Variants in NRG3 observed in about 807,000 individuals in gnomAD.
The protein encoded by NRG3 is pro-neuregulin-3, membrane-bound isoform.
In NRG3, 31 loss-of-function variants were observed where a neutral mutation model predicts 66.9. The observed-to-expected ratio is 0.46, with a 90% CI of 0.35 to 0.63. NRG3 has a LOEUF of 0.63. NRG3 is among the 20% of genes least tolerant of loss of function. The pLI is 0.00. For synonymous variants in NRG3, 393 were observed against 359.4 expected (o/e 1.09, Z -1.06); for missense variants, 910 against 878.9 (o/e 1.04, Z -0.45).
At chr10:82,470,609 C>G (rs1369135986) in intron 2 of NRG3, among the ~76,000 whole-genome samples, 1 of 152,226 alleles carries the variant, frequency 6.6e-6, no homozygotes, top group Non-Finnish European at 1.5e-5. Context: ...AGCTGATAAG[C>G]TGGAGGCAGG....
intron 1 of NRG3, among the ~76,000 whole-genome samples, chr10:82,229,772 A>G (rs1275502295): frequency 6.6e-6 from 1 of 152,192 alleles, no homozygotes; most frequent in East Asian, 1.9e-4. Flanking sequence ...GAGGATTACA[A>G]TTCAAGTTGA....
chr10:82,774,271 G>T (rs1404333427), intron 3 of NRG3, among the ~76,000 whole-genome samples: 4 of 152,168 alleles, frequency 2.6e-5, no homozygotes, highest in Admixed American at 2.6e-4. Flanking sequence ...AGCTTAAGTA[G>T]AAAGGTAATT....
intron 2 of NRG3, among the ~76,000 whole-genome samples, chr10:82,481,470 T>A (rs903120095): frequency 6.6e-6 from 1 of 152,190 alleles, no homozygotes; most frequent in African/African-American, 2.4e-5. Flanking sequence ...GACTCCCATA[T>A]TAACATGTTT....
In NRG3 at chr10:81,916,296, C is replaced by A. The variant is rs568456034; in HGVS notation, c.823+40133C>A. 2.6e-5 allele frequency among the ~76,000 whole-genome samples: 4 copies of A among 152,206 alleles called. No individual in the cohort carries two copies. In the South Asian group the frequency reaches 8.3e-4, roughly 32 times the overall value. ...TCCTCAGTAAGTATTTACTGGGCATCTAATATTTGCAGTTTACTACATTTT... is the reference window on the plus strand; with the variant it reads ...TCCTCAGTAAGTATTTACTGGGCATATAATATTTGCAGTTTACTACATTTT... On this transcript the variant is annotated intron_variant, in intron 1 of 8. Transcript: ENST00000372141.
Position 82,580,422 on chromosome 10 carries a change from A to G in NRG3, c.954-158155A>G, listed in dbSNP as rs139113736. Among the ~76,000 whole-genome samples, 112 of 152,050 alleles carry G rather than the reference A, an allele frequency of 7.4e-4. No homozygotes were observed. The East Asian group carries it at 0.02, about 27-fold the overall frequency. The stretch of plus-strand genomic sequence containing the variant: ...AATATTATTATTAACTGAAGTCCGT[A>G]GTTTCCATTAGTGCTCACTCTTTGT... On this transcript the variant is annotated intron_variant, in intron 2 of 8. Coordinates refer to ENST00000372141, the MANE Select transcript of NRG3 (RefSeq NM_001010848.4).
chr10:82,334,257 A>C (rs533735988), intron 1 of NRG3, among the ~76,000 whole-genome samples: 1 of 152,176 alleles, frequency 6.6e-6, no homozygotes, highest in Non-Finnish European at 1.5e-5. Context: ...CAATATGGAC[A>C]TTCTCAATGG....
chr10:82,088,561 T>C (rs1016876762), intron 1 of NRG3, among the ~76,000 whole-genome samples: 1 of 152,172 alleles, frequency 6.6e-6, no homozygotes. Context: ...ATTTGGCATT[T>C]CTTTTCATGT....
In NRG3 at chr10:81,875,488, C is replaced by T. The variant is rs1312307027; in HGVS notation, c.148C>T (p.Arg50Trp). ...GGGEGAAEPP[R>W]ELRCSDCIVW... is the part of the protein sequence containing the mutation. ...CGGCGAAGGGGCGGCCGAGCCCCCC[C>T]GGGAGTTACGCTGTAGCGACTGCAT... The change falls in exon 1 of 9, where the codon CGG becomes TGG. Residue 50 changes from arginine (R) to tryptophan (W), a missense_variant. By Grantham distance (101) the Arg-to-Trp change is moderately radical. Coordinates refer to ENST00000372141, the MANE Select transcript of NRG3 (RefSeq NM_001010848.4). The surrounding 1 kb of genome is among the most constrained non-coding windows in gnomAD (Gnocchi z 5.3). The T allele has an allele frequency of 6.7e-7, 1 of 1,500,636 alleles. No homozygotes were observed. The highest frequency in any genetic ancestry group is 8.9e-7 in the Non-Finnish European group (1 of 1,117,350). 93.0% of individuals were successfully genotyped at this position (1,500,636 alleles called of 1,614,324 possible). A position where few individuals can be genotyped will look rare whatever the true frequency, so the allele number is the denominator to read the frequency against.
At chr10:82,441,358 G>C (rs2090423316) in intron 2 of NRG3, among the ~76,000 whole-genome samples, 1 of 152,216 alleles carries the variant, frequency 6.6e-6, no homozygotes, top group Non-Finnish European at 1.5e-5. Context: ...CATCTGTGAT[G>C]GAGGGAGGAT....
At chr10:82,535,374 G>A (rs1847713874) in intron 2 of NRG3, among the ~76,000 whole-genome samples, 2 of 151,684 alleles carry the variant, frequency 1.3e-5, no homozygotes, top group African/African-American at 2.4e-5. Flanking sequence ...CTTTATTTAC[G>A]GAGCATCTCA....
At chr10:81,879,018 A>G (rs1173030484) in intron 1 of NRG3, among the ~76,000 whole-genome samples, 2 of 152,164 alleles carry the variant, frequency 1.3e-5, no homozygotes, top group African/African-American at 2.4e-5. Context: ...AACTGTTTCT[A>G]ATTTTCTGTA....
intron 2 of NRG3, among the ~76,000 whole-genome samples, chr10:82,388,565 A>G (rs1693396144): frequency 6.6e-6 from 1 of 152,220 alleles, no homozygotes; most frequent in Non-Finnish European, 1.5e-5. Flanking sequence ...TTCTTTAAAA[A>G]TCAGTAAACT....
chr10:82,398,487 G>A (rs1220007352), intron 2 of NRG3, among the ~76,000 whole-genome samples: 2 of 142,420 alleles, frequency 1.4e-5, no homozygotes, highest in African/African-American at 5.5e-5. Context: ...TCTTGGCTTC[G>A]TGTATGTGTG....
intron 1 of NRG3, among the ~76,000 whole-genome samples, chr10:81,892,791 C>G (rs757487616): frequency 4.6e-5 from 7 of 152,004 alleles, no homozygotes; most frequent in African/African-American, 1.7e-4. Context: ...ATAAGTTAAT[C>G]GTACATTTAA....
intron 1 of NRG3, among the ~76,000 whole-genome samples, chr10:82,255,287 T>C (rs959713032): frequency 6.6e-6 from 1 of 152,018 alleles, no homozygotes; most frequent in Admixed American, 6.6e-5. Flanking sequence ...ATCTGAGAAA[T>C]TGACACAGCC....
At chr10:82,011,348 C>T (rs2061566695) in intron 1 of NRG3, among the ~76,000 whole-genome samples, 1 of 152,144 alleles carries the variant, frequency 6.6e-6, no homozygotes, top group Non-Finnish European at 1.5e-5. Flanking sequence ...TAAGTTATCT[C>T]CATCTGGCCC....
chr10:82,253,970 C>CCCGTT (rs1438395854), intron 1 of NRG3, among the ~76,000 whole-genome samples: 1 of 152,142 alleles, frequency 6.6e-6, no homozygotes, highest in Non-Finnish European at 1.5e-5. Context: ...AAAAACAGCT[C>CCCGTT]CCGTTCATTA....
chr10:82,099,984 A>AATATATAT lies in NRG3; in HGVS notation c.823+223831_823+223838dup, dbSNP rs3036603. Reference sequence around the variant, plus strand: ...GGTGACAGAACAATACCCTGTCTCTAATATATATATATATATAATTTAAAA... The same window carrying AATATATAT: ...GGTGACAGAACAATACCCTGTCTCTAATATATATATATATATATATATATAATTTAAAA... On this transcript the variant is annotated intron_variant, in intron 1 of 8. Transcript: ENST00000372141. 3.3e-3 allele frequency among the ~76,000 whole-genome samples: 485 copies of AATATATAT among 146,048 alleles called. 4 individuals carry two copies. The highest frequency in any genetic ancestry group is 0.011 in the African/African-American group (452 of 39,914).
chr10:82,390,121 A>T (rs1361713457), intron 2 of NRG3, among the ~76,000 whole-genome samples: 2 of 152,156 alleles, frequency 1.3e-5, no homozygotes, highest in Admixed American at 6.5e-5. Context: ...GTACAAACCT[A>T]TCTGTCCACT....
Sources: allele counts gnomAD v4.1 joint callset (sites outside exome capture counted in the v4.1 genomes callset), GRCh38; gene constraint gnomAD v4.1.1; non-coding constraint Gnocchi (gnomAD v3.1); transcripts MANE v1.5; gene names NCBI Gene and HGNC (gene_info 2026-07-23, HGNC 2026-07-21).